The following PWWP2A variants were observed in gnomAD, a reference collection of about 807,000 sequenced individuals.
The protein encoded by PWWP2A is PWWP domain-containing protein 2A.
PWWP2A carries 18 observed loss-of-function variants against 48.5 expected under a neutral mutation model. The ratio of observed to expected loss-of-function variants is 0.37; its 90% CI spans 0.26 to 0.55. The LOEUF is 0.55. PWWP2A is among the 20% of genes least tolerant of loss of function. The pLI is 0.81. For missense variants in PWWP2A, 867 were observed against 976.4 expected (o/e 0.89, Z 1.49); for synonymous variants, 396 against 387.7 (o/e 1.02, Z -0.25).
chr5:160,115,336 G>C (rs1017493324), intron 1 of PWWP2A, among the ~76,000 whole-genome samples: 2 of 151,732 alleles, frequency 1.3e-5, no homozygotes, highest in African/African-American at 4.8e-5. Context: ...TCAGAGGATC[G>C]CTTGAGCCCA....
chr5:160,045,965 A>T, the PWWP2A span, among the ~76,000 whole-genome samples: 1 of 151,226 alleles, frequency 6.6e-6, no homozygotes, highest in African/African-American at 2.4e-5. Context: ...CTGCTCTCGA[A>T]CTCCTGACCT....
At position 160,109,769 on chromosome 5, in the gene PWWP2A, AAAAAAATATATATATATATAT is replaced by A. The variant is rs1176913368; in HGVS notation, c.584+9015_584+9035del. Among the ~76,000 whole-genome samples the A allele has an allele frequency of 1.6e-3, 105 of 65,804 alleles. 1 individual carries two copies. The highest frequency in any genetic ancestry group is 2.5e-3 in the Non-Finnish European group (93 of 36,506). 43.2% of individuals were successfully genotyped at this position (65,804 alleles called of 152,430 possible). A position where few individuals can be genotyped will look rare whatever the true frequency, so the allele number is the denominator to read the frequency against. On this transcript the variant is annotated intron_variant, in intron 1 of 1. Coordinates refer to ENST00000307063, the MANE Select transcript of PWWP2A (RefSeq NM_001130864.2). Reference sequence around the variant, plus strand: ...AGGATGCAACTGGGAAAAAAAAAAAAAAAAAATATATATATATATATATATATATATATATATATAAAATAA... The same window carrying A: ...AGGATGCAACTGGGAAAAAAAAAAAAATATATATATATATATATAAAATAA...
At chr5:160,080,622 C>A in intron 3 of PWWP2A, 1 of 1,503,900 alleles carries the variant, frequency 6.6e-7, no homozygotes, top group Non-Finnish European at 9.0e-7. Context: ...GCCCTCTTCA[C>A]TTTGTGGCAG....
In PWWP2A at chr5:160,093,613, G is replaced by C; in HGVS notation, c.1037C>G (p.Ser346Cys). 7 of 1,613,772 alleles carry C rather than the reference G, an allele frequency of 4.3e-6. No individual in the cohort carries two copies. The highest frequency in any genetic ancestry group is 5.9e-6 in the Non-Finnish European group (7 of 1,179,840). ...IRKGSSATDS[S>C]KYEDKKRRNE... ...TCTCCGTTTTTTATCTTCATATTTA[G>C]AAGAGTCAGTTGCACTACTACCTTT... Residue 346 changes from serine to cysteine, a missense_variant, in exon 2 of 2, where the codon TCT (serine) becomes TGT (cysteine). Ser to Cys is a moderately radical substitution (Grantham distance 112). Coordinates refer to ENST00000307063, the MANE Select transcript of PWWP2A (RefSeq NM_001130864.2). The surrounding 1 kb of genome is among the most constrained non-coding windows in gnomAD (Gnocchi z 5.8).
At chr5:160,113,368 A>G (rs766874371) in intron 1 of PWWP2A, 21 of 979,130 alleles carry the variant, frequency 2.1e-5, no homozygotes, top group African/African-American at 3.5e-5. Flanking sequence ...GAAGCATTTC[A>G]AATGATTACA....
intron 1 of PWWP2A, among the ~76,000 whole-genome samples, chr5:160,109,109 G>A (rs893099638): frequency 6.6e-6 from 1 of 152,010 alleles, no homozygotes; most frequent in Admixed American, 6.6e-5. Flanking sequence ...TCAGCCTCCT[G>A]AACAGTTGGG....
chr5:160,085,491 G>A (rs1483832020), intron 2 of PWWP2A, among the ~76,000 whole-genome samples: 1 of 147,896 alleles, frequency 6.8e-6, no homozygotes, highest in Non-Finnish European at 1.5e-5. Flanking sequence ...GTATAAGCAA[G>A]TAACTGTCAC....
At chr5:160,047,504 C>T in the PWWP2A span, among the ~76,000 whole-genome samples, 3 of 152,210 alleles carry the variant, frequency 2.0e-5, no homozygotes, top group Non-Finnish European at 4.4e-5. Flanking sequence ...TGGACCACTG[C>T]ATTAGCTTTC....
At chr5:160,118,098 TAG>T (rs1333916493) in intron 1 of PWWP2A, among the ~76,000 whole-genome samples, 2 of 152,232 alleles carry the variant, frequency 1.3e-5, no homozygotes, top group African/African-American at 2.4e-5. Context: ...TCCCAGGTGT[TAG>T]AAGTTACTTG....
chr5:160,045,232 G>A, the PWWP2A span, among the ~76,000 whole-genome samples: 2 of 152,116 alleles, frequency 1.3e-5, no homozygotes, highest in Non-Finnish European at 2.9e-5. Flanking sequence ...TTTACTTCCA[G>A]CTGCAGCCCG....
At chr5:160,096,222 C>CT (rs140945291) in intron 1 of PWWP2A, among the ~76,000 whole-genome samples, 8,678 of 151,230 alleles carry the variant, frequency 0.057, 367 homozygotes, top group African/African-American at 0.12. Context: ...AAAGGAAAGG[C>CT]TTTTTTTTTA....
chr5:160,092,670 CCAAA>C lies in PWWP2A; in HGVS notation c.1976_1979del (p.Val659GlyfsTer17). The C allele has an allele frequency of 6.4e-7, 1 of 1,551,606 alleles. No individual in the cohort carries two copies. Among genetic ancestry groups the C allele is most frequent in the Non-Finnish European group, 8.7e-7 (1 of 1,146,970 alleles). On this transcript the variant is annotated frameshift_variant, in exon 2 of 2. Coordinates refer to ENST00000307063, the MANE Select transcript of PWWP2A (RefSeq NM_001130864.2). LOFTEE classifies it high-confidence loss of function. ...ACCAAGGGAAGCCATATATCTTGGCCCAAACAATGTCCCCTACACATATGGTCCT... is the reference window on the plus strand; with the variant it reads ...ACCAAGGGAAGCCATATATCTTGGCCCAATGTCCCCTACACATATGGTCCT...
At chr5:160,116,853 G>C (rs998433147) in intron 1 of PWWP2A, 1 of 853,518 alleles carries the variant, frequency 1.2e-6, no homozygotes, top group Non-Finnish European at 1.4e-6. Flanking sequence ...AGCACTTTGG[G>C]AGGCCAAGGT....
intron 2 of PWWP2A, among the ~76,000 whole-genome samples, chr5:160,067,459 T>C (rs997294789): frequency 6.6e-6 from 1 of 152,196 alleles, no homozygotes; most frequent in Admixed American, 6.5e-5. Context: ...AGAAGGACTA[T>C]CTGTGCCTCC....
intron 2 of PWWP2A, among the ~76,000 whole-genome samples, chr5:160,069,469 T>G (rs1241999272): frequency 6.6e-6 from 1 of 152,148 alleles, no homozygotes; most frequent in African/African-American, 2.4e-5. Flanking sequence ...ACTTTCTTAG[T>G]AGTGTTATTT....
At chr5:160,079,585 A>C (rs1486597637) in intron 3 of PWWP2A, among the ~76,000 whole-genome samples, 1 of 152,228 alleles carries the variant, frequency 6.6e-6, no homozygotes, top group African/African-American at 2.4e-5. Context: ...CCCATTTTAT[A>C]AACTGAAGGA....
At chr5:160,087,860 T>C (rs1170964284), downstream of PWWP2A, among the ~76,000 whole-genome samples, 1 of 152,200 alleles carries the variant, frequency 6.6e-6, no homozygotes, top group Non-Finnish European at 1.5e-5. Context: ...TGAGTAAAGA[T>C]AAGACAAAGA....
At chr5:160,081,510 G>A (rs1036634578) in intron 2 of PWWP2A, among the ~76,000 whole-genome samples, 10 of 152,126 alleles carry the variant, frequency 6.6e-5, no homozygotes, top group African/African-American at 2.4e-4. Flanking sequence ...AAAGTGCTGG[G>A]ATTATAGGCG....
chr5:160,090,168 A>G, downstream of PWWP2A: 11 of 984,886 alleles, frequency 1.1e-5, no homozygotes, highest in Non-Finnish European at 1.3e-5. Context: ...TTCAACAATC[A>G]TGTTTTTTTT....
Sources: gnomAD v4.1 joint callset for allele counts (sites outside exome capture counted in the v4.1 genomes callset) on GRCh38, gnomAD v4.1.1 for gene constraint, Gnocchi (gnomAD v3.1) non-coding constraint, MANE v1.5 for transcripts, NCBI Gene and HGNC (gene_info 2026-07-23, HGNC 2026-07-21) for gene names.